The following TMOD1 variants were observed in gnomAD, a reference collection of about 807,000 sequenced individuals.
TMOD1 encodes tropomodulin 1.
Under a neutral mutation model 40.6 loss-of-function variants are expected in TMOD1, and 17 were observed. That is an observed-to-expected ratio of 0.42 (90% CI 0.29 to 0.63). TMOD1 has a LOEUF of 0.63. Among genes scored for constraint, TMOD1 ranks in the 20% least tolerant of loss-of-function variants. The pLI is 0.22. For synonymous variants in TMOD1, 181 were observed against 175.0 expected (o/e 1.03, Z -0.27); for missense variants, 391 against 447.6 (o/e 0.87, Z 1.14).
At chr9:97,549,448 C>A (rs1830415354) in intron 3 of TMOD1, among the ~76,000 whole-genome samples, 1 of 152,204 alleles carries the variant, frequency 6.6e-6, no homozygotes, top group Admixed American at 6.5e-5. Flanking sequence ...TAATAAACCA[C>A]AGGTCTTAAA....
chr9:97,601,112 C>G lies in TMOD1; in HGVS notation c.*1414C>G. 1 of 1,304,316 alleles carries G rather than the reference C, an allele frequency of 7.7e-7. No individual in the cohort carries two copies. The highest frequency in any genetic ancestry group is 1.0e-6 in the Non-Finnish European group (1 of 988,950). 80.8% of individuals were successfully genotyped at this position (1,304,316 alleles called of 1,614,324 possible). On this transcript the variant is annotated 3_prime_UTR_variant, in exon 10 of 10. Transcript: ENST00000259365. The stretch of plus-strand genomic sequence containing the variant: ...GGGCCTCAGCGCTATGGAAGAGTGT[C>G]CACTGAGGCTGCACATGGCCCAGGA...
intron 8 of TMOD1, among the ~76,000 whole-genome samples, chr9:97,587,305 T>C (rs191338446): frequency 6.6e-6 from 1 of 152,352 alleles, no homozygotes; most frequent in Admixed American, 6.5e-5. Flanking sequence ...AACTCAACTC[T>C]TGTGCACAGT....
rs1286133686 is a variant in TMOD1, at chr9:97,575,645, A to G, written c.870+6608A>G. Among the ~76,000 whole-genome samples, 5 of 152,294 alleles carry G rather than the reference A, an allele frequency of 3.3e-5. No homozygotes were observed. In the East Asian group the frequency reaches 9.6e-4, roughly 29 times the overall value. ...TTTTGAAGTATTCCCAGTTGTCCAT[A>G]TCATCTGGGAATGGCCAGAATTGGC... On this transcript the variant is annotated intron_variant, in intron 8 of 9. Transcript: ENST00000259365.
rs77505732 is a variant in TMOD1 at position 97,579,088 on chromosome 9, C to T, written c.870+10051C>T. 1.3e-3 allele frequency among the ~76,000 whole-genome samples: 205 copies of T among 152,248 alleles called. 1 individual carries two copies. Among genetic ancestry groups the T allele is most frequent in the African/African-American group, 4.5e-3 (187 of 41,550 alleles). On this transcript the variant is annotated intron_variant, in intron 8 of 9. Transcript: ENST00000259365. ...TTCTCAGGAGCCTTGCCAGAGGGGC[C>T]GGTGGAATTTCACCAGTGTCCCTCT...
At chr9:97,599,556 C>T in intron 9 of TMOD1, 78 bp from the exon 10 acceptor site, 1 of 1,586,238 alleles carries the variant, frequency 6.3e-7, no homozygotes, top group Non-Finnish European at 8.6e-7. Context: ...CGAGGTTTCA[C>T]AGTGCTTTCT....
At chr9:97,522,608 C>T (rs2131220395) in intron 1 of TMOD1, among the ~76,000 whole-genome samples, 1 of 152,282 alleles carries the variant, frequency 6.6e-6, no homozygotes, top group South Asian at 2.1e-4. Flanking sequence ...GTCACCCAGG[C>T]TGGAATGCAG....
At chr9:97,543,363 A>G (rs1431989951) in intron 2 of TMOD1, among the ~76,000 whole-genome samples, 2 of 152,380 alleles carry the variant, frequency 1.3e-5, no homozygotes, top group East Asian at 1.9e-4. Context: ...TTAAACATAC[A>G]TATTTGGGTA....
chr9:97,503,613 A>G (rs193239315), intron 1 of TMOD1, among the ~76,000 whole-genome samples: 19 of 152,312 alleles, frequency 1.2e-4, no homozygotes, highest in Admixed American at 1.0e-3. Flanking sequence ...CCAGCCTAAG[A>G]TGAAAGCCAG....
chr9:97,512,038 G>A, intron 1 of TMOD1, among the ~76,000 whole-genome samples: 1 of 152,200 alleles, frequency 6.6e-6, no homozygotes, highest in Non-Finnish European at 1.5e-5. Context: ...GAGGTTTGGA[G>A]AGTGTGACCA....
intron 3 of TMOD1, among the ~76,000 whole-genome samples, chr9:97,549,381 T>C (rs1311370577): frequency 6.6e-6 from 1 of 152,196 alleles, no homozygotes; most frequent in Non-Finnish European, 1.5e-5. Flanking sequence ...GAAGTCTAGG[T>C]ACCTCTTACA....
At position 97,600,400 on chromosome 9, in the gene TMOD1, T is replaced by G; in HGVS notation, c.*702T>G. 4 of 985,888 alleles carry G rather than the reference T, an allele frequency of 4.1e-6. No individual in the cohort carries two copies. Among genetic ancestry groups the G allele is most frequent in the Non-Finnish European group, 4.8e-6 (4 of 830,154 alleles). The allele number at this position is 985,888 out of a possible 1,614,324, so 61.1% of individuals were successfully genotyped here. On this transcript the variant is annotated 3_prime_UTR_variant, in exon 10 of 10. Coordinates refer to ENST00000259365, the MANE Select transcript of TMOD1 (RefSeq NM_003275.4). Reference sequence around the variant, plus strand: ...CCCAGGCAACAAACATGTCCCTGAGTGTTCTTTAAGAACATTTGGGATTTA... The same window carrying G: ...CCCAGGCAACAAACATGTCCCTGAGGGTTCTTTAAGAACATTTGGGATTTA...
intron 1 of TMOD1, among the ~76,000 whole-genome samples, chr9:97,511,108 A>G (rs3053137): frequency 0.012 from 1,853 of 149,804 alleles, 49 homozygotes; most frequent in East Asian, 0.1. Context: ...ACACACACAC[A>G]CACAGGCTTT....
intron 1 of TMOD1, among the ~76,000 whole-genome samples, chr9:97,517,066 G>A (rs1049349036): frequency 8.5e-5 from 13 of 152,066 alleles, no homozygotes; most frequent in African/African-American, 2.9e-4. Flanking sequence ...GGGAGGAGAG[G>A]CCAGACATGG....
chr9:97,535,605 C>T (rs1354037111), intron 2 of TMOD1, among the ~76,000 whole-genome samples: 1 of 152,206 alleles, frequency 6.6e-6, no homozygotes, highest in Admixed American at 6.5e-5. Flanking sequence ...TCAGGATACC[C>T]AGTCCCCAGC....
chr9:97,561,896 G>T (rs1048656899), intron 4 of TMOD1, among the ~76,000 whole-genome samples: 1 of 152,134 alleles, frequency 6.6e-6, no homozygotes. Context: ...TGCATCCCAA[G>T]TTCCTCTTTT....
intron 3 of TMOD1, among the ~76,000 whole-genome samples, chr9:97,547,354 G>C (rs1297528487): frequency 6.6e-6 from 1 of 152,120 alleles, no homozygotes; most frequent in East Asian, 1.9e-4. Flanking sequence ...CTTCTTCATG[G>C]CTGGCTCCTC....
At chr9:97,571,650 G>A (rs1307205704) in intron 8 of TMOD1, among the ~76,000 whole-genome samples, 2 of 152,198 alleles carry the variant, frequency 1.3e-5, no homozygotes, top group African/African-American at 2.4e-5. Flanking sequence ...ATGAGGAAAC[G>A]GAGTGCCAGG....
At position 97,559,771 on chromosome 9, in the gene TMOD1, T is replaced by TAAAAAAAAAAA. The variant is rs1830589569; in HGVS notation, c.398-2961_398-2960insAAAAAAAAAAA. Among the ~76,000 whole-genome samples, 25 of 63,328 alleles carry TAAAAAAAAAAA rather than the reference T, an allele frequency of 3.9e-4. 2 individuals are homozygous for TAAAAAAAAAAA. Among genetic ancestry groups the TAAAAAAAAAAA allele is most frequent in the Admixed American group, 3.7e-3 (15 of 4,054 alleles). 41.5% of individuals were successfully genotyped at this position (63,328 alleles called of 152,430 possible). ...CAGAGCGAGACTCCGCCTCAAAAATTTAAAAAAAAAAAAAAAAAAAAAAAT... is the reference window on the plus strand; with the variant it reads ...CAGAGCGAGACTCCGCCTCAAAAATTAAAAAAAAAAATAAAAAAAAAAAAAAAAAAAAAAAT... On this transcript the variant is annotated intron_variant, in intron 4 of 9. Coordinates refer to ENST00000259365, the MANE Select transcript of TMOD1 (RefSeq NM_003275.4).
intron 4 of TMOD1, chr9:97,555,622 C>T: frequency 6.4e-7 from 1 of 1,550,734 alleles, no homozygotes; most frequent in Non-Finnish European, 8.7e-7. Flanking sequence ...GGATGCCTGT[C>T]ATTTGATGTT....
Sources: gnomAD v4.1 joint callset for allele counts (sites outside exome capture counted in the v4.1 genomes callset) on GRCh38, gnomAD v4.1.1 for gene constraint, MANE v1.5 for transcripts, NCBI Gene and HGNC (gene_info 2026-07-23, HGNC 2026-07-21) for gene names.